BLTP1: variants seen among roughly 807,000 people sequenced by gnomAD.
BLTP1 encodes the protein fragile site-associated protein.
At chr4:122,316,564 A>G in the BLTP1 span, 1 of 893,080 alleles carries the variant, frequency 1.1e-6, no homozygotes, top group Non-Finnish European at 1.7e-6. Context: ...TAGCAACTAA[A>G]TAGATTCCTT....
the BLTP1 span, chr4:122,286,462 A>G: frequency 6.3e-7 from 1 of 1,577,144 alleles, no homozygotes. Flanking sequence ...TTTTTCTTAG[A>G]TACCCTTTTT....
the BLTP1 span, chr4:122,292,967 A>G: frequency 1.5e-6 from 1 of 645,662 alleles, no homozygotes; most frequent in Non-Finnish European, 1.9e-6. Flanking sequence ...CCAAAAAAAA[A>G]AATCTGATGT....
chr4:122,336,725 G>A, the BLTP1 span: 2 of 871,716 alleles, frequency 2.3e-6, no homozygotes, highest in Non-Finnish European at 2.8e-6. Context: ...AGCAAGAGGT[G>A]CGAACAGGGA....
At chr4:122,249,151 T>C in the BLTP1 span, 1 of 737,866 alleles carries the variant, frequency 1.4e-6, no homozygotes, top group Non-Finnish European at 1.7e-6. Flanking sequence ...TTGAATTTTT[T>C]TTTTATTTTG....
the BLTP1 span, chr4:122,237,257 T>A: frequency 1.0e-6 from 1 of 985,388 alleles, no homozygotes; most frequent in South Asian, 4.7e-5. Context: ...TTTTTTTGGA[T>A]CTAGGCAGCT....
At chr4:122,263,024 G>T in the BLTP1 span, 1 of 1,584,984 alleles carries the variant, frequency 6.3e-7, no homozygotes. Flanking sequence ...TTATATTTAC[G>T]GGGGAATTGA....
chr4:122,306,177 CAA>C, the BLTP1 span: 2 of 777,128 alleles, frequency 2.6e-6, no homozygotes, highest in Non-Finnish European at 3.7e-6. Context: ...TGTGTGTATC[CAA>C]AAAAAAAATC....
the BLTP1 span, chr4:122,190,356 A>G: frequency 1.0e-5 from 9 of 859,396 alleles, no homozygotes; most frequent in African/African-American, 1.6e-4. Context: ...TCATTCTCCC[A>G]AAGTGCTGGG....
chr4:122,171,473 G>C, the BLTP1 span, among the ~76,000 whole-genome samples: 2 of 152,028 alleles, frequency 1.3e-5, no homozygotes, highest in Non-Finnish European at 2.9e-5. Flanking sequence ...AAAGGGTAAT[G>C]ATAATATGTT....
At chr4:122,346,971 T>C in the BLTP1 span, 1 of 784,114 alleles carries the variant, frequency 1.3e-6, no homozygotes. Context: ...AGTTTTGTCT[T>C]CTTTGAGATT....
the BLTP1 span, chr4:122,206,106 A>G: frequency 6.2e-6 from 6 of 964,838 alleles, no homozygotes; most frequent in Non-Finnish European, 7.4e-6. Flanking sequence ...GTTTAAACAT[A>G]CAGTGAATTG....
chr4:122,238,422 A>C, the BLTP1 span: 2 of 1,299,226 alleles, frequency 1.5e-6, no homozygotes, highest in Non-Finnish European at 2.2e-6. Context: ...TGGCAAGAAA[A>C]ACTTCTTCCC....
the BLTP1 span, among the ~76,000 whole-genome samples, chr4:122,332,418 G>A: frequency 0.015 from 2,288 of 152,000 alleles, 32 homozygotes; most frequent in Non-Finnish European, 0.022. Flanking sequence ...ATAAAGGGCA[G>A]TTTCATTTGG....
chr4:122,344,870 T>C, the BLTP1 span: 1 of 984,756 alleles, frequency 1.0e-6, no homozygotes, highest in African/African-American at 1.7e-5. Context: ...GTTCTTCTAA[T>C]TGTAAATGCT....
chr4:122,195,401 A>G, the BLTP1 span, among the ~76,000 whole-genome samples: 1 of 152,018 alleles, frequency 6.6e-6, no homozygotes, highest in Non-Finnish European at 1.5e-5. Context: ...GATGATTATA[A>G]TAATACAAAC....
At chr4:122,317,653 C>T in the BLTP1 span, among the ~76,000 whole-genome samples, 23 of 148,630 alleles carry the variant, frequency 1.5e-4, no homozygotes, top group Admixed American at 9.4e-4. Context: ...TTTTTTTAAA[C>T]AATCAAGGAC....
the BLTP1 span, chr4:122,170,467 G>A: frequency 2.3e-6 from 3 of 1,307,580 alleles, no homozygotes; most frequent in African/African-American, 1.6e-5. Flanking sequence ...GGGCATTTTT[G>A]TTGTATTTTT....
the BLTP1 span, among the ~76,000 whole-genome samples, chr4:122,230,494 C>T: frequency 2.0e-5 from 3 of 152,086 alleles, no homozygotes; most frequent in Non-Finnish European, 4.4e-5. Context: ...AAGTTATGGT[C>T]CCCAAATAAC....
the BLTP1 span, among the ~76,000 whole-genome samples, chr4:122,332,263 AAT>A: frequency 6.6e-6 from 1 of 151,990 alleles, no homozygotes; most frequent in African/African-American, 2.4e-5. Flanking sequence ...GCTTTTATAA[AAT>A]ATGAGAAAAT....
Sources: allele counts gnomAD v4.1 joint callset (sites outside exome capture counted in the v4.1 genomes callset), GRCh38; gene constraint gnomAD v4.1.1; transcripts MANE v1.5; gene names NCBI Gene and HGNC (gene_info 2026-07-23, HGNC 2026-07-21).